Variants in SYCE2 observed in about 807,000 individuals in gnomAD.
The protein encoded by SYCE2 is synaptonemal complex central element protein 2.
SYCE2 carries 3 observed loss-of-function variants against 27.9 expected under a neutral mutation model. The ratio of observed to expected loss-of-function variants is 0.11; its 90% confidence interval spans 0.05 to 0.28. SYCE2 has a LOEUF of 0.28. SYCE2 is among the 10% of genes least tolerant of loss of function. SYCE2 has a pLI of 1.00. For missense variants in SYCE2, 207 were observed against 263.5 expected (o/e 0.79, Z 1.48); for synonymous variants, 85 against 100.7 (o/e 0.84, Z 0.93).
At chr19:12,904,688 C>G in intron 2 of SYCE2, 22 bp from the exon 3 acceptor site, 5 of 1,611,158 alleles carry the variant, frequency 3.1e-6, no homozygotes, top group Non-Finnish European at 4.2e-6. Flanking sequence ...GACACAAGGG[C>G]AAGAAACCTG....
At position 12,908,276 on chromosome 19, in the gene SYCE2, CTT is replaced by C. The variant is rs34286819; in HGVS notation, c.132-3612_132-3611del. On this transcript the variant is annotated intron_variant, in intron 2 of 5. Transcript: ENST00000293695. ...GAAGGAGCTGCTTAAATTTTCTGGG[CTT>C]TTTTTTTTTTTTTTTTTTTAAGAGA... Among the ~76,000 whole-genome samples the C allele has an allele frequency of 2.9e-3, 246 of 85,522 alleles. 2 individuals carry two copies. Among genetic ancestry groups the C allele is most frequent in the Middle Eastern group, 0.015 (2 of 134 alleles). 56.1% of individuals were successfully genotyped at this position (85,522 alleles called of 152,430 possible).
chr19:12,910,571 C>T (rs920987641), intron 2 of SYCE2, among the ~76,000 whole-genome samples: 3 of 151,472 alleles, frequency 2.0e-5, no homozygotes, highest in African/African-American at 4.9e-5. Context: ...CAGGGTCTCA[C>T]CATGTTGGCC....
rs1265684541 is a variant in SYCE2, at chr19:12,908,909, T to C, written c.132-4243A>G. Among the ~76,000 whole-genome samples the C allele has an allele frequency of 2.0e-5, 3 of 152,300 alleles. No homozygotes were observed. In the East Asian group the frequency reaches 5.8e-4, roughly 29 times the overall value. On this transcript the variant is annotated intron_variant, in intron 2 of 5. Coordinates refer to ENST00000293695, the MANE Select transcript of SYCE2 (RefSeq NM_001105578.2). ...CACTTGTTCTGCAGTGAGGCCTCCA[T>C]GCCTCCTCCCTGCTGGCCCCTGCAG... is the stretch of plus-strand genomic sequence containing the variant.
At chr19:12,905,593 A>G (rs1303128598) in intron 2 of SYCE2, among the ~76,000 whole-genome samples, 1 of 150,788 alleles carries the variant, frequency 6.6e-6, no homozygotes, top group Admixed American at 6.6e-5. Flanking sequence ...AGCCTCCCAA[A>G]CTGCTGGGAT....
At chr19:12,905,317 T>C (rs1299571400) in intron 2 of SYCE2, among the ~76,000 whole-genome samples, 4 of 152,118 alleles carry the variant, frequency 2.6e-5, no homozygotes, top group African/African-American at 4.8e-5. Context: ...GGAATACCAA[T>C]AATAGTGTCA....
chr19:12,916,321 G>A (rs1011795547), intron 2 of SYCE2, among the ~76,000 whole-genome samples: 8 of 151,904 alleles, frequency 5.3e-5, no homozygotes, highest in Admixed American at 1.3e-4. Flanking sequence ...CGCCTGCCTC[G>A]GCCTCCCAAA....
chr19:12,904,217 T>C (rs1167728837), intron 3 of SYCE2, among the ~76,000 whole-genome samples: 4 of 152,222 alleles, frequency 2.6e-5, no homozygotes, highest in Admixed American at 6.5e-5. Flanking sequence ...ATCTATATCA[T>C]GGGTCCAATC....
chr19:12,912,837 C>T (rs949552128), intron 2 of SYCE2, among the ~76,000 whole-genome samples: 1 of 152,038 alleles, frequency 6.6e-6, no homozygotes, highest in African/African-American at 2.4e-5. Flanking sequence ...GGACAAAGGC[C>T]TGCATCAGAT....
chr19:12,912,572 G>A (rs1307959348), intron 2 of SYCE2, among the ~76,000 whole-genome samples: 1 of 152,032 alleles, frequency 6.6e-6, no homozygotes, highest in Non-Finnish European at 1.5e-5. Flanking sequence ...ACACCTCCTC[G>A]TACCCAGTTC....
At chr19:12,911,614 C>CTT (rs1568437728) in intron 2 of SYCE2, among the ~76,000 whole-genome samples, 1 of 75,338 alleles carries the variant, frequency 1.3e-5, no homozygotes, top group Admixed American at 1.4e-4. Context: ...ATAATTTTTG[C>CTT]CTTTTTTTTT....
At chr19:12,901,160 C>T (rs1319277813) in intron 3 of SYCE2, among the ~76,000 whole-genome samples, 2 of 146,718 alleles carry the variant, frequency 1.4e-5, no homozygotes, top group Non-Finnish European at 3.0e-5. Flanking sequence ...CAGAGCAAGA[C>T]TCCATCTCAA....
At chr19:12,910,277 T>G (rs2145975461) in intron 2 of SYCE2, among the ~76,000 whole-genome samples, 1 of 152,260 alleles carries the variant, frequency 6.6e-6, no homozygotes, top group East Asian at 1.9e-4. Context: ...TGTAAAAAAT[T>G]TTGTAATAAA....
At chr19:12,917,290 A>G (rs1449942450) in intron 2 of SYCE2, among the ~76,000 whole-genome samples, 1 of 146,928 alleles carries the variant, frequency 6.8e-6, no homozygotes, top group Non-Finnish European at 1.5e-5. Flanking sequence ...TCCTGACCTC[A>G]TGATCTGCCT....
Position 12,919,276 on chromosome 19 carries a change from C to CA in SYCE2, c.-20dup. Reference sequence around the variant, plus strand: ...GCTCCATTCCGTATTTTCCCGCCTTCAAGCTCGCACCCTCTGCGCATGCGC... The same window carrying CA: ...GCTCCATTCCGTATTTTCCCGCCTTCAAAGCTCGCACCCTCTGCGCATGCGC... On this transcript the variant is annotated 5_prime_UTR_variant, in exon 1 of 6. Transcript: ENST00000293695. The CA allele has an allele frequency of 6.2e-7, 1 of 1,609,822 alleles. No individual in the cohort carries two copies. Among genetic ancestry groups the CA allele is most frequent in the Non-Finnish European group, 8.5e-7 (1 of 1,179,978 alleles).
intron 5 of SYCE2, chr19:12,899,598 G>C: frequency 6.2e-7 from 1 of 1,613,704 alleles, no homozygotes; most frequent in Non-Finnish European, 8.5e-7. Flanking sequence ...ATGCCTGGCT[G>C]GACCGTAGGA....
chr19:12,902,106 T>G (rs1268308395), intron 3 of SYCE2, among the ~76,000 whole-genome samples: 1 of 152,190 alleles, frequency 6.6e-6, no homozygotes, highest in African/African-American at 2.4e-5. Context: ...GCCTACAGTA[T>G]TCAGTATGGT....
In SYCE2 at chr19:12,899,290, C is replaced by G; in HGVS notation, c.*51G>C. On this transcript the variant is annotated 3_prime_UTR_variant, in exon 6 of 6. Transcript: ENST00000293695. ...CTCAGTGTGGCCCAAATGGTGGCCT[C>G]ACAGTCTTCTCCTGGAGACTGTCAC... The G allele has an allele frequency of 6.7e-7, 1 of 1,497,222 alleles. No homozygotes were observed. The highest frequency in any genetic ancestry group is 9.3e-7 in the Non-Finnish European group (1 of 1,073,456). The allele number at this position is 1,497,222 out of a possible 1,614,324, so 92.7% of individuals were successfully genotyped here.
rs200424351 is a variant in SYCE2, at chr19:12,900,160, C to T, written c.496-40G>A. On this transcript the variant is annotated intron_variant, in intron 4 of 5. Transcript: ENST00000293695. ...CCCAGGTTAGCAGTGCCGGTCTGTG[C>T]CAGGGCTGTGGGCAGAGGGGATGAT... 1.1e-3 allele frequency: 1,702 copies of T among 1,579,842 alleles called. 5 individuals are homozygous for T. Among genetic ancestry groups the T allele is most frequent in the Middle Eastern group, 3.5e-3 (20 of 5,670 alleles).
At chr19:12,906,202 T>G (rs1970930673) in intron 2 of SYCE2, 2 of 152,216 alleles carry the variant, frequency 1.3e-5, no homozygotes, top group Admixed American at 6.5e-5. Context: ...GCTGCATCCC[T>G]TTCCCAACCT....
Sources: allele counts gnomAD v4.1 joint callset (sites outside exome capture counted in the v4.1 genomes callset), GRCh38; gene constraint gnomAD v4.1.1; transcripts MANE v1.5; gene names NCBI Gene and HGNC (gene_info 2026-07-23, HGNC 2026-07-21).